Variants in CPA6 observed in about 807,000 individuals in gnomAD.
CPA6 encodes the protein carboxypeptidase B.
A neutral mutation model predicts 63.3 loss-of-function variants in CPA6; 58 were observed. The ratio of observed to expected loss-of-function variants is 0.92; its 90% CI spans 0.74 to 1.14. The LOEUF (loss-of-function observed/expected upper bound fraction) is 1.14. Among genes scored for constraint, CPA6 ranks in the 50% most tolerant of loss-of-function variants. The probability of loss-of-function intolerance (pLI) is 0.00; values close to 1 mark genes in which losing one functional copy is unlikely to be tolerated. For missense variants in CPA6, 565 were observed against 526.6 expected (o/e 1.07, Z -0.71); for synonymous variants, 185 against 179.0 (o/e 1.03, Z -0.27).
At chr8:67,607,169 CT>C (rs1814669504) in intron 2 of CPA6, among the ~76,000 whole-genome samples, 1 of 28,374 alleles carries the variant, frequency 3.5e-5, no homozygotes. Flanking sequence ...CTTCTTCTTC[CT>C]CTTCTTCTTC....
intron 6 of CPA6, among the ~76,000 whole-genome samples, chr8:67,493,316 T>G (rs1811644576): frequency 6.6e-6 from 1 of 152,158 alleles, no homozygotes; most frequent in Non-Finnish European, 1.5e-5. Flanking sequence ...CAGCAAGACA[T>G]AATGAGACTG....
chr8:67,422,606 A>G lies in CPA6; in HGVS notation c.1212T>C (p.Tyr404=). Residue 404 remains tyrosine (Y), a synonymous_variant, in exon 11 of 11, where the codon TAT becomes TAC. Coordinates refer to ENST00000297770, the MANE Select transcript of CPA6 (RefSeq NM_020361.5). ...GCATCTCTGGGAGTAAAAATCCAAA[A>G]TATCCAGTGTCACGTAGTTCGAAAG... ...AFAFELRDTG[Y]FGFLLPEMLI... is the part of the protein sequence containing the mutation. 1.2e-6 allele frequency: 2 copies of G among 1,614,090 alleles called. No homozygotes were observed. Among genetic ancestry groups the G allele is most frequent in the East Asian group, 4.5e-5 (2 of 44,878 alleles).
In CPA6 at chr8:67,666,997, T is replaced by TCATATAGTA. The variant is rs368713113; in HGVS notation, c.117-42747_117-42746insTACTATATG. On this transcript the variant is annotated intron_variant, in intron 1 of 10. Coordinates refer to ENST00000297770, the MANE Select transcript of CPA6 (RefSeq NM_020361.5). ...TCCTTTTCCTTTAGGACTCCTTAAA[T>TCATATAGTA]CATATAGGCATGTGGTTATTACTGT... 7.2e-3 allele frequency among the ~76,000 whole-genome samples: 1,092 copies of TCATATAGTA among 152,230 alleles called. 14 individuals carry two copies. Among genetic ancestry groups the TCATATAGTA allele is most frequent in the African/African-American group, 0.025 (1,039 of 41,538 alleles).
At chr8:67,570,725 A>G (rs1564005021) in intron 2 of CPA6, among the ~76,000 whole-genome samples, 2 of 152,216 alleles carry the variant, frequency 1.3e-5, no homozygotes, top group African/African-American at 2.4e-5. Context: ...GATTCAGAAC[A>G]TACCACTACA....
Position 67,438,621 on chromosome 8 carries a change from T to C in CPA6, c.839-4381A>G, listed in dbSNP as rs181487424. ...ATGAGTAACTCCAGAGAGCCTACTC[T>C]ACATATCTCATATCTACAGCGATAT... On this transcript the variant is annotated intron_variant, in intron 8 of 10. Transcript: ENST00000297770. Among the ~76,000 whole-genome samples the C allele has an allele frequency of 1.1e-3, 172 of 152,324 alleles. 1 individual carries two copies. The highest frequency in any genetic ancestry group is 1.8e-4 in the Non-Finnish European group (12 of 68,026).
intron 8 of CPA6, chr8:67,483,361 A>G: frequency 4.6e-6 from 1 of 215,094 alleles, no homozygotes; most frequent in South Asian, 7.3e-5. Flanking sequence ...AATATAGACA[A>G]GGTCATGACA....
At chr8:67,730,543 C>T (rs1817686544) in intron 1 of CPA6, among the ~76,000 whole-genome samples, 1 of 152,092 alleles carries the variant, frequency 6.6e-6, no homozygotes, top group Non-Finnish European at 1.5e-5. Context: ...CTTTTACTTC[C>T]CTGGAGGTTG....
intron 6 of CPA6, among the ~76,000 whole-genome samples, chr8:67,493,302 T>C (rs1251731582): frequency 6.6e-6 from 1 of 152,186 alleles, no homozygotes; most frequent in East Asian, 1.9e-4. Flanking sequence ...TTACCTTTAA[T>C]GAGCAGCAAG....
chr8:67,745,689 CAGCATCCCCA>C (rs1470420472), intron 1 of CPA6, among the ~76,000 whole-genome samples: 1 of 152,088 alleles, frequency 6.6e-6, no homozygotes, highest in African/African-American at 2.4e-5. Context: ...TGTAGGACAA[CAGCATCCCCA>C]AGCATCAACC....
intron 1 of CPA6, among the ~76,000 whole-genome samples, chr8:67,630,421 A>G (rs1299673458): frequency 3.9e-5 from 6 of 152,040 alleles, no homozygotes. Context: ...CCTCACAGAC[A>G]GTGGCCCTGG....
chr8:67,657,171 T>C (rs553624473), intron 1 of CPA6, among the ~76,000 whole-genome samples: 2 of 152,270 alleles, frequency 1.3e-5, no homozygotes, highest in East Asian at 1.9e-4. Context: ...AAATATTTGA[T>C]TATAAATTCT....
intron 8 of CPA6, among the ~76,000 whole-genome samples, chr8:67,444,267 C>T (rs892809613): frequency 6.6e-6 from 1 of 151,880 alleles, no homozygotes; most frequent in Non-Finnish European, 1.5e-5. Flanking sequence ...GGATTACAGG[C>T]GTGAGCCACC....
At chr8:67,439,233 C>T (rs1810233105) in intron 8 of CPA6, among the ~76,000 whole-genome samples, 1 of 152,024 alleles carries the variant, frequency 6.6e-6, no homozygotes, top group South Asian at 2.1e-4. Context: ...TTTGAGGTTA[C>T]AGTGAGTTGT....
intron 2 of CPA6, among the ~76,000 whole-genome samples, chr8:67,604,073 G>A (rs1371639085): frequency 6.6e-6 from 1 of 152,198 alleles, no homozygotes; most frequent in African/African-American, 2.4e-5. Flanking sequence ...GGTGATGGAG[G>A]TTGTGTGGGG....
At chr8:67,612,246 C>G (rs769417004) in intron 2 of CPA6, among the ~76,000 whole-genome samples, 32 of 152,304 alleles carry the variant, frequency 2.1e-4, no homozygotes, top group Non-Finnish European at 4.4e-4. Context: ...ATCTTCCCAC[C>G]TGTTCTCTCC....
chr8:67,488,096 C>T (rs558952277), intron 6 of CPA6, among the ~76,000 whole-genome samples: 2 of 152,270 alleles, frequency 1.3e-5, no homozygotes, highest in African/African-American at 2.4e-5. Flanking sequence ...GTTGCCTTTG[C>T]TTTTGGTGTT....
intron 6 of CPA6, among the ~76,000 whole-genome samples, chr8:67,500,874 A>G (rs560136814): frequency 2.6e-5 from 4 of 151,782 alleles, no homozygotes; most frequent in Admixed American, 6.6e-5. Context: ...AGTTGGGAAT[A>G]TTTGTGTGGA....
chr8:67,615,671 C>T (rs1343844446), intron 2 of CPA6, among the ~76,000 whole-genome samples: 1 of 152,140 alleles, frequency 6.6e-6, no homozygotes, highest in Non-Finnish European at 1.5e-5. Context: ...CCATCAGTGC[C>T]TCCATATCCA....
chr8:67,467,767 C>A (rs1225741157), intron 8 of CPA6, among the ~76,000 whole-genome samples: 1 of 151,912 alleles, frequency 6.6e-6, no homozygotes, highest in African/African-American at 2.4e-5. Flanking sequence ...CTTCTGGAGG[C>A]CGAGGGGGGC....
Sources: gnomAD v4.1 joint callset for allele counts (sites outside exome capture counted in the v4.1 genomes callset) on GRCh38, gnomAD v4.1.1 for gene constraint, MANE v1.5 for transcripts, NCBI Gene and HGNC (gene_info 2026-07-23, HGNC 2026-07-21) for gene names.